The following SLC1A3 variants were observed in gnomAD, a reference collection of about 807,000 sequenced individuals.
SLC1A3 encodes the protein solute carrier family 1 member 3.
SLC1A3 carries 21 observed loss-of-function variants against 48.1 expected under a neutral mutation model. That is an observed-to-expected ratio of 0.44 (90% CI 0.31 to 0.63). The LOEUF is 0.63. SLC1A3 is among the 20% of genes least tolerant of loss of function. The pLI is 0.08. For synonymous variants in SLC1A3, 239 were observed against 251.4 expected (o/e 0.95, Z 0.47); for missense variants, 546 against 689.0 (o/e 0.79, Z 2.32).
chr5:36,673,973 C>A, intron 4 of SLC1A3, 76 bp from the exon 5 acceptor site: 1 of 1,153,646 alleles, frequency 8.7e-7, no homozygotes, highest in Non-Finnish European at 1.3e-6. Flanking sequence ...CTTTACCTTA[C>A]ACACAATGAA....
intron 3 of SLC1A3, among the ~76,000 whole-genome samples, chr5:36,643,548 A>G (rs1022264085): frequency 3.3e-5 from 5 of 152,120 alleles, no homozygotes; most frequent in African/African-American, 1.2e-4. Context: ...TTCTTTATAT[A>G]TTAAACTTAC....
chr5:36,672,338 G>A (rs532957855), intron 4 of SLC1A3, among the ~76,000 whole-genome samples: 3 of 152,300 alleles, frequency 2.0e-5, no homozygotes, highest in Non-Finnish European at 4.4e-5. Context: ...CTGGATCCCA[G>A]GGCATAGACA....
intron 3 of SLC1A3, among the ~76,000 whole-genome samples, chr5:36,637,915 G>A (rs547399254): frequency 6.6e-6 from 1 of 150,800 alleles, no homozygotes; most frequent in South Asian, 2.1e-4. Flanking sequence ...ATCTGAAATG[G>A]AGCTTGGGAG....
chr5:36,680,728 G>A (rs1253157889), intron 8 of SLC1A3, 139 bp downstream of exon 8: 17 of 734,834 alleles, frequency 2.3e-5, no homozygotes, highest in Non-Finnish European at 3.9e-5. Context: ...GACTAGCCTG[G>A]CAACATAGTG....
intron 2 of SLC1A3, chr5:36,609,207 T>A: frequency 1.0e-6 from 1 of 978,602 alleles, no homozygotes; most frequent in Non-Finnish European, 1.2e-6. Context: ...TACCTTTTTT[T>A]GAATCATTTC....
At chr5:36,608,289 CT>C in intron 1 of SLC1A3, 39 bp from the exon 2 acceptor site, 1 of 764,882 alleles carries the variant, frequency 1.3e-6, no homozygotes, top group Non-Finnish European at 2.2e-6. Flanking sequence ...TTTCTCACCC[CT>C]GGAGGCTATA....
At chr5:36,597,669 T>C (rs1010674317) in intron 1 of SLC1A3, among the ~76,000 whole-genome samples, 3 of 152,168 alleles carry the variant, frequency 2.0e-5, no homozygotes, top group African/African-American at 7.2e-5. Flanking sequence ...TCAGTCTTTT[T>C]TCTGACCTCT....
In SLC1A3 at chr5:36,617,415, CTTTTTTT is replaced by C. The variant is rs34710652; in HGVS notation, c.181+8827_181+8833del. ...AGAAAGAGGGAGAAAAGGTTGCGGG[CTTTTTTT>C]TTTTTTTTTTTTTTTGGCCTATTTT... On this transcript the variant is annotated intron_variant, in intron 2 of 9. Coordinates refer to ENST00000265113, the MANE Select transcript of SLC1A3 (RefSeq NM_004172.5). Among the ~76,000 whole-genome samples the C allele has an allele frequency of 1.7e-4, 10 of 57,676 alleles. No homozygotes were observed. The South Asian group carries it at 5.5e-3, about 32-fold the overall frequency. 37.8% of individuals were successfully genotyped at this position (57,676 alleles called of 152,430 possible).
intron 1 of SLC1A3, among the ~76,000 whole-genome samples, chr5:36,599,091 A>G (rs1226804858): frequency 6.6e-6 from 1 of 152,212 alleles, no homozygotes; most frequent in African/African-American, 2.4e-5. Context: ...CTCAAATCCT[A>G]CTAACTCTAT....
At chr5:36,614,295 T>C (rs766406607) in intron 2 of SLC1A3, among the ~76,000 whole-genome samples, 3 of 152,166 alleles carry the variant, frequency 2.0e-5, no homozygotes, top group Non-Finnish European at 4.4e-5. Context: ...ATGCACTGAT[T>C]TGATGATGCT....
intron 3 of SLC1A3, among the ~76,000 whole-genome samples, chr5:36,631,906 G>A (rs945279204): frequency 2.0e-5 from 3 of 152,224 alleles, no homozygotes; most frequent in African/African-American, 7.2e-5. Flanking sequence ...TGTGTATACT[G>A]GGAAATGTTA....
intron 3 of SLC1A3, among the ~76,000 whole-genome samples, chr5:36,645,673 T>A (rs1412599589): frequency 7.9e-5 from 12 of 152,160 alleles, no homozygotes. Context: ...TGAAGCTTGC[T>A]GGAAAGGCTT....
chr5:36,636,505 T>TTCTCTTTCTTTCCTTTCTTTCTC (rs1177117898), intron 3 of SLC1A3: 1 of 70,136 alleles, frequency 1.4e-5, no homozygotes, highest in Non-Finnish European at 4.0e-5. Context: ...CTTTCTTTCT[T>TTCTCTTTCTTTCCTTTCTTTCTC]TTTCTTTCTT....
At chr5:36,617,719 C>T (rs1005772413) in intron 2 of SLC1A3, among the ~76,000 whole-genome samples, 4 of 152,024 alleles carry the variant, frequency 2.6e-5, no homozygotes, top group African/African-American at 7.3e-5. Context: ...GGATATTATT[C>T]CTTAGCACGT....
chr5:36,611,429 CAT>C (rs1316151339), intron 2 of SLC1A3, among the ~76,000 whole-genome samples: 4 of 150,210 alleles, frequency 2.7e-5, no homozygotes, highest in Non-Finnish European at 5.9e-5. Context: ...ATGATAAAGA[CAT>C]GTGAATCCAT....
intron 2 of SLC1A3, among the ~76,000 whole-genome samples, chr5:36,623,446 G>C (rs1739765946): frequency 3.9e-5 from 6 of 152,112 alleles, no homozygotes; most frequent in Admixed American, 3.9e-4. Context: ...TTGCACTGAG[G>C]ATCTGGTGGC....
intron 2 of SLC1A3, among the ~76,000 whole-genome samples, chr5:36,611,637 C>A (rs536120601): frequency 1.3e-5 from 2 of 152,258 alleles, no homozygotes; most frequent in Admixed American, 1.3e-4. Context: ...CAGTGCCAAG[C>A]TCCACATCCC....
intron 2 of SLC1A3, among the ~76,000 whole-genome samples, chr5:36,610,609 C>T (rs1326914276): frequency 1.3e-5 from 2 of 152,078 alleles, no homozygotes; most frequent in Non-Finnish European, 2.9e-5. Flanking sequence ...GAAGGAAGTT[C>T]CTAAGTCATT....
At chr5:36,668,597 T>C (rs1741856858) in intron 3 of SLC1A3, 1 of 152,220 alleles carries the variant, frequency 6.6e-6, no homozygotes, top group South Asian at 2.1e-4. Context: ...AGCTGTTACT[T>C]TATTCTCTTT....
Sources: allele counts gnomAD v4.1 joint callset (sites outside exome capture counted in the v4.1 genomes callset), GRCh38; gene constraint gnomAD v4.1.1; transcripts MANE v1.5; gene names NCBI Gene and HGNC (gene_info 2026-07-23, HGNC 2026-07-21).